Variants in DNAH8 observed in about 807,000 individuals in gnomAD.
The protein encoded by DNAH8 is axonemal beta dynein heavy chain 8.
In DNAH8, 382 loss-of-function variants were observed where a neutral mutation model predicts 562.1. The ratio of observed to expected loss-of-function variants is 0.68; its 90% confidence interval spans 0.63 to 0.74. The LOEUF (loss-of-function observed/expected upper bound fraction) is 0.74. Among genes scored for constraint, DNAH8 ranks in the 30% least tolerant of loss-of-function variants. The pLI is 0.00. For synonymous variants in DNAH8, 1,881 were observed against 1,919.4 expected, an observed-to-expected ratio of 0.98 and a Z score of 0.52; for missense variants, 5,203 against 5,620.4, an observed-to-expected ratio of 0.93 and a Z score of 2.37.
At chr6:38,751,009 T>C (rs892828180) in intron 9 of DNAH8, among the ~76,000 whole-genome samples, 1 of 152,230 alleles carries the variant, frequency 6.6e-6, no homozygotes, top group African/African-American at 2.4e-5. Context: ...TATACTTTGC[T>C]GCATAACAAA....
intron 88 of DNAH8, among the ~76,000 whole-genome samples, chr6:39,007,409 CA>C (rs1296528754): frequency 3.2e-4 from 48 of 152,102 alleles, no homozygotes; most frequent in African/African-American, 1.1e-3. Context: ...CTCACATCTA[CA>C]AAAGGAAATA....
At chr6:39,003,940 C>T (rs1409851672) in intron 88 of DNAH8, among the ~76,000 whole-genome samples, 1 of 152,072 alleles carries the variant, frequency 6.6e-6, no homozygotes, top group East Asian at 1.9e-4. Flanking sequence ...TTTTCTTCTT[C>T]TTCCTTTTTG....
chr6:38,767,540 G>A (rs77875037), intron 11 of DNAH8, among the ~76,000 whole-genome samples: 3,137 of 152,058 alleles, frequency 0.021, 114 homozygotes, highest in African/African-American at 0.071. Context: ...CCTCAAATAA[G>A]TGGAATTAAA....
intron 60 of DNAH8, among the ~76,000 whole-genome samples, chr6:38,896,697 G>A (rs1460930315): frequency 6.6e-6 from 1 of 152,116 alleles, no homozygotes; most frequent in Admixed American, 6.5e-5. Flanking sequence ...TATACCAAGG[G>A]TTGGCAAATT....
At chr6:38,912,040 A>C (rs745362454) in intron 66 of DNAH8, among the ~76,000 whole-genome samples, 1 of 152,260 alleles carries the variant, frequency 6.6e-6, no homozygotes, top group Non-Finnish European at 1.5e-5. Context: ...GTACCTAAGC[A>C]AGAGTTTTCC....
At chr6:38,894,609 TA>T (rs1359525306) in intron 58 of DNAH8, 91 bp from the exon 59 acceptor site, 1 of 1,039,660 alleles carries the variant, frequency 9.6e-7, no homozygotes, top group Non-Finnish European at 1.4e-6. Context: ...AGATTTTATC[TA>T]AAATAGGATT....
At chr6:38,767,064 G>A (rs1008425698) in intron 11 of DNAH8, among the ~76,000 whole-genome samples, 2 of 152,168 alleles carry the variant, frequency 1.3e-5, no homozygotes, top group Non-Finnish European at 2.9e-5. Flanking sequence ...TACATTCACA[G>A]TGTTTTGCAA....
intron 82 of DNAH8, chr6:38,952,989 T>G (rs1394966677): frequency 6.6e-6 from 1 of 152,400 alleles, no homozygotes; most frequent in African/African-American, 2.4e-5. Context: ...TTTATCCAGC[T>G]GCCTCTAAGC....
At chr6:38,971,818 C>T (rs1763374762) in intron 83 of DNAH8, 153 bp downstream of exon 83, 1 of 479,752 alleles carries the variant, frequency 2.1e-6, no homozygotes, top group African/African-American at 2.0e-5. Flanking sequence ...TAGTTTCCTC[C>T]TGATATTCGC....
chr6:38,957,497 G>A (rs188828476), intron 82 of DNAH8, among the ~76,000 whole-genome samples: 2 of 151,766 alleles, frequency 1.3e-5, no homozygotes, highest in East Asian at 3.9e-4. Flanking sequence ...GACATTTACA[G>A]AACATTCCAT....
At chr6:38,725,421 G>A (rs1349672458) in intron 3 of DNAH8, among the ~76,000 whole-genome samples, 1 of 151,942 alleles carries the variant, frequency 6.6e-6, no homozygotes, top group African/African-American at 2.4e-5. Flanking sequence ...ATCCTTATAA[G>A]AATGTGGTCC....
Position 38,924,050 on chromosome 6 carries a change from A to G in DNAH8, c.10850A>G (p.Gln3617Arg), listed in dbSNP as rs149318458. Residue 3617 changes from glutamine (Q) to arginine (R), a missense_variant, in exon 73 of 93, where the codon CAG (glutamine) becomes CGG (arginine). Around this residue, in one of 6 missense-constraint regions of DNAH8, gnomAD observed 1,399 missense variants for 1,518.4 expected, o/e 0.92. Transcript: ENST00000327475. ...GFLSYLGPFN[Q>R]IFRNYLLKDQ... Reference sequence around the variant, plus strand: ...CTTTCCTACCTTGGTCCTTTCAATCAGATATTTAGGAACTATTTGCTTAAA... The same window carrying G: ...CTTTCCTACCTTGGTCCTTTCAATCGGATATTTAGGAACTATTTGCTTAAA... 1.7e-5 allele frequency: 27 copies of G among 1,613,876 alleles called. No homozygotes were observed. The highest frequency in any genetic ancestry group is 2.3e-5 in the Non-Finnish European group (27 of 1,179,924).
chr6:38,854,937 T>C (rs1776067492), intron 41 of DNAH8, among the ~76,000 whole-genome samples: 1 of 148,660 alleles, frequency 6.7e-6, no homozygotes, highest in African/African-American at 2.5e-5. Flanking sequence ...ATAATACATA[T>C]TTTACAAAGT....
At chr6:38,792,977 TC>T (rs2127659713) in intron 21 of DNAH8, among the ~76,000 whole-genome samples, 1 of 152,236 alleles carries the variant, frequency 6.6e-6, no homozygotes, top group East Asian at 1.9e-4. Flanking sequence ...AGACAGGGTT[TC>T]ACCATGTTAC....
intron 33 of DNAH8, among the ~76,000 whole-genome samples, chr6:38,839,412 T>A (rs961231855): frequency 6.6e-6 from 1 of 151,892 alleles, no homozygotes; most frequent in Non-Finnish European, 1.5e-5. Context: ...CTGTTGCTAG[T>A]ACTGGAGTGT....
intron 35 of DNAH8, among the ~76,000 whole-genome samples, chr6:38,844,047 C>T (rs963711224): frequency 2.6e-5 from 4 of 152,136 alleles, no homozygotes; most frequent in East Asian, 1.9e-4. Context: ...CCCCATCCCC[C>T]AGGTCCACAG....
chr6:38,808,792 G>A (rs1771532583), intron 24 of DNAH8, among the ~76,000 whole-genome samples: 1 of 152,172 alleles, frequency 6.6e-6, no homozygotes. Flanking sequence ...CCTTTGCAGG[G>A]AAATGGATGA....
intron 54 of DNAH8, 58 bp from the exon 55 acceptor site, chr6:38,883,264 G>A (rs1778647251): frequency 6.6e-7 from 1 of 1,522,714 alleles, no homozygotes; most frequent in Admixed American, 2.3e-5. Flanking sequence ...AGAATCATAA[G>A]ATATTTGAAA....
chr6:38,840,574 A>G (rs1446510192), intron 33 of DNAH8, among the ~76,000 whole-genome samples: 1 of 152,222 alleles, frequency 6.6e-6, no homozygotes, highest in Non-Finnish European at 1.5e-5. Context: ...ACTGGATTTT[A>G]TAAAATTCAT....
Sources: allele counts gnomAD v4.1 joint callset (sites outside exome capture counted in the v4.1 genomes callset), GRCh38; gene constraint gnomAD v4.1.1; regional missense constraint gnomAD v4.1.1; transcripts MANE v1.5; gene names NCBI Gene and HGNC (gene_info 2026-07-23, HGNC 2026-07-21).